The following ME1 variants were observed in gnomAD, a reference collection of about 807,000 sequenced individuals.
The protein encoded by ME1 is malic enzyme 1.
In ME1, 74 loss-of-function variants were observed where a neutral mutation model predicts 66.4. The observed-to-expected ratio is 1.11, with a 90% confidence interval of 0.92 to 1.35. The LOEUF is 1.35. Among genes scored for constraint, ME1 ranks in the 40% most tolerant of loss-of-function variants. The pLI is 0.00. For missense variants in ME1, 750 were observed against 694.1 expected (o/e 1.08, Z -0.90); for synonymous variants, 251 against 235.6 (o/e 1.07, Z -0.60).
chr6:83,350,740 G>A (rs190044869), intron 4 of ME1, among the ~76,000 whole-genome samples: 104 of 151,916 alleles, frequency 6.8e-4, no homozygotes, highest in Admixed American at 1.0e-3. Flanking sequence ...CACCCACCTC[G>A]GCCTCCCAAA....
intron 6 of ME1, among the ~76,000 whole-genome samples, chr6:83,275,151 C>A (rs967832938): frequency 6.6e-6 from 1 of 151,848 alleles, no homozygotes; most frequent in African/African-American, 2.4e-5. Context: ...CTGGCCAACA[C>A]GGTGAAACCC....
At chr6:83,357,935 C>CTCTCTCTCTATA (rs1447805761) in intron 3 of ME1, among the ~76,000 whole-genome samples, 2 of 30,040 alleles carry the variant, frequency 6.7e-5, no homozygotes, top group African/African-American at 2.3e-4. Flanking sequence ...CTCTCTCTCT[C>CTCTCTCTCTATA]TATATATATA....
At chr6:83,356,842 C>T (rs1248587634) in intron 3 of ME1, among the ~76,000 whole-genome samples, 1 of 152,116 alleles carries the variant, frequency 6.6e-6, no homozygotes, top group Non-Finnish European at 1.5e-5. Flanking sequence ...AAATATTCTC[C>T]TACATAATCT....
chr6:83,424,700 A>G (rs1224482051), intron 1 of ME1, among the ~76,000 whole-genome samples: 3 of 152,216 alleles, frequency 2.0e-5, no homozygotes, highest in African/African-American at 4.8e-5. Context: ...TTTTGCTTCA[A>G]TTACAGAAGT....
Position 83,315,431 on chromosome 6 carries a change from C to T in ME1, c.601-18G>A, listed in dbSNP as rs762815159. On this transcript the variant is annotated intron_variant, in intron 5 of 13. Coordinates refer to ENST00000369705, the MANE Select transcript of ME1 (RefSeq NM_002395.6). The stretch of plus-strand genomic sequence containing the variant: ...AGTAACTCCTATTAAAAAAAGTTAC[C>T]ATAAAAATAGAAATAACTATAACCA... 1.4e-6 allele frequency: 2 copies of T among 1,400,256 alleles called. No individual in the cohort carries two copies. The highest frequency in any genetic ancestry group is 1.2e-5 in the South Asian group (1 of 81,522). The allele number at this position is 1,400,256 out of a possible 1,614,324, so 86.7% of individuals were successfully genotyped here.
intron 3 of ME1, among the ~76,000 whole-genome samples, chr6:83,357,929 CTCTCTCTATATATATATA>C (rs1478065511): frequency 7.1e-5 from 4 of 56,328 alleles, no homozygotes; most frequent in South Asian, 1.5e-3. Context: ...CTCTCTCTCT[CTCTCTCTATATATATATA>C]TATATATATA....
intron 6 of ME1, among the ~76,000 whole-genome samples, chr6:83,272,624 A>C (rs188385182): frequency 6.6e-6 from 1 of 152,260 alleles, no homozygotes; most frequent in Non-Finnish European, 1.5e-5. Context: ...GTGATTGGAA[A>C]GGCAATGCAG....
At chr6:83,356,476 T>G (rs1222006693) in intron 3 of ME1, among the ~76,000 whole-genome samples, 2 of 152,078 alleles carry the variant, frequency 1.3e-5, no homozygotes, top group African/African-American at 2.4e-5. Context: ...AAATTTAGGA[T>G]AGATATGCCT....
At chr6:83,271,122 T>C (rs1229103286) in intron 6 of ME1, among the ~76,000 whole-genome samples, 1 of 152,002 alleles carries the variant, frequency 6.6e-6, no homozygotes, top group African/African-American at 2.4e-5. Flanking sequence ...TCAAGACGAA[T>C]GGGCCCATAA....
chr6:83,424,771 A>G (rs1770336961), intron 1 of ME1, among the ~76,000 whole-genome samples: 1 of 152,174 alleles, frequency 6.6e-6, no homozygotes, highest in Non-Finnish European at 1.5e-5. Context: ...GCTTAAACAT[A>G]AATTTATTTT....
chr6:83,333,892 T>G (rs1047230932), intron 5 of ME1, among the ~76,000 whole-genome samples: 1 of 152,184 alleles, frequency 6.6e-6, no homozygotes, highest in African/African-American at 2.4e-5. Flanking sequence ...ATTAACCAAA[T>G]AATATGTAAC....
At chr6:83,289,632 ATGATGCTAGCCTCAT>A (rs1767463342) in intron 6 of ME1, among the ~76,000 whole-genome samples, 1 of 152,172 alleles carries the variant, frequency 6.6e-6, no homozygotes. Flanking sequence ...TGGTATCAGG[ATGATGCTAGCCTCAT>A]AAATGAGTTA....
At chr6:83,298,931 GTTTTTTTTTTTTTTTTT>G (rs61055748) in intron 6 of ME1, among the ~76,000 whole-genome samples, 274 of 22,486 alleles carry the variant, frequency 0.012, 2 homozygotes, top group African/African-American at 0.048. Flanking sequence ...CTATGTGTCT[GTTTTTTTTTTTTTTTTT>G]TTTTTTTTTT....
Position 83,250,550 on chromosome 6 carries a change from A to C in ME1, c.814+3079T>G, listed in dbSNP as rs188793962. 8.5e-5 allele frequency among the ~76,000 whole-genome samples: 13 copies of C among 152,374 alleles called. 1 individual carries two copies. The highest frequency in any genetic ancestry group is 8.5e-4 in the Admixed American group (13 of 15,304). ...GCCCTGCCATTCTTCTAGTTCTTCA[A>C]GGCAAAAGCCTAGGCTCCATCCTTG... On this transcript the variant is annotated intron_variant, in intron 7 of 13. Transcript: ENST00000369705.
rs181414662 is a variant in ME1 at position 83,404,240 on chromosome 6, A to G, written c.212+3528T>C. Among the ~76,000 whole-genome samples the G allele has an allele frequency of 9.2e-3, 1,392 of 151,538 alleles. 18 individuals carry two copies. The highest frequency in any genetic ancestry group is 0.028 in the Middle Eastern group (8 of 290). On this transcript the variant is annotated intron_variant, in intron 2 of 13. Coordinates refer to ENST00000369705, the MANE Select transcript of ME1 (RefSeq NM_002395.6). Reference sequence around the variant, plus strand: ...GTATTTCATTGCGGTTTTGATTTGCATTTCTCTAATGACCAGTGATGATGA... The same window carrying G: ...GTATTTCATTGCGGTTTTGATTTGCGTTTCTCTAATGACCAGTGATGATGA...
intron 6 of ME1, among the ~76,000 whole-genome samples, chr6:83,292,053 G>A (rs989139242): frequency 2.0e-5 from 3 of 151,926 alleles, no homozygotes; most frequent in African/African-American, 4.8e-5. Context: ...GCTTCCTTGC[G>A]ATGGGTTAGA....
At chr6:83,403,645 C>T (rs1043646782) in intron 2 of ME1, among the ~76,000 whole-genome samples, 3 of 152,120 alleles carry the variant, frequency 2.0e-5, no homozygotes, top group East Asian at 1.9e-4. Context: ...AATGCTCTCC[C>T]TCTCCTTTCC....
At chr6:83,370,570 C>T (rs1331691881) in intron 3 of ME1, among the ~76,000 whole-genome samples, 10 of 152,076 alleles carry the variant, frequency 6.6e-5, no homozygotes, top group Non-Finnish European at 1.5e-5. Context: ...AATATCCATC[C>T]TACTCATCCT....
chr6:83,249,375 C>A (rs58565679), intron 7 of ME1, among the ~76,000 whole-genome samples: 1 of 151,892 alleles, frequency 6.6e-6, no homozygotes, highest in Non-Finnish European at 1.5e-5. Context: ...TAAGGGTATG[C>A]GCCACCATGC....
Sources: allele counts gnomAD v4.1 joint callset (sites outside exome capture counted in the v4.1 genomes callset), GRCh38; gene constraint gnomAD v4.1.1; transcripts MANE v1.5; gene names NCBI Gene and HGNC (gene_info 2026-07-23, HGNC 2026-07-21).